Variants in RARB observed in about 807,000 individuals in gnomAD.
RARB encodes retinoic acid receptor beta.
Under a neutral mutation model 51.9 loss-of-function variants are expected in RARB, and 17 were observed. The ratio of observed to expected loss-of-function variants is 0.33; its 90% CI spans 0.22 to 0.49. RARB has a LOEUF of 0.49. RARB is among the 20% of genes least tolerant of loss of function. RARB has a pLI of 0.99. For missense variants in RARB, 369 were observed against 550.8 expected, an observed-to-expected ratio of 0.67 and a Z score of 3.30; for synonymous variants, 215 against 195.4, an observed-to-expected ratio of 1.10 and a Z score of -0.84.
At chr3:25,006,791 A>G (rs1044331732) in intron 2 of RARB, among the ~76,000 whole-genome samples, 1 of 152,116 alleles carries the variant, frequency 6.6e-6, no homozygotes, top group African/African-American at 2.4e-5. Flanking sequence ...TAGACATTAC[A>G]CCTTAGAGTC....
intron 5 of RARB, among the ~76,000 whole-genome samples, chr3:25,361,406 C>T (rs1705928204): frequency 6.6e-6 from 1 of 152,196 alleles, no homozygotes; most frequent in Non-Finnish European, 1.5e-5. Flanking sequence ...TTCTTAGCTT[C>T]CTTGCATTGG....
At chr3:25,206,203 A>G (rs187183773) in intron 5 of RARB, among the ~76,000 whole-genome samples, 74 of 152,328 alleles carry the variant, frequency 4.9e-4, no homozygotes, top group African/African-American at 1.7e-3. Flanking sequence ...TTTCATCTCA[A>G]GTGAATCCCC....
chr3:25,163,501 C>CAAAA (rs1385452358), intron 4 of RARB, among the ~76,000 whole-genome samples: 6 of 78,688 alleles, frequency 7.6e-5, no homozygotes, highest in African/African-American at 3.4e-4. Context: ...GACCCTATCT[C>CAAAA]AAAATATATA....
At chr3:24,929,738 C>G (rs1168146148) in intron 2 of RARB, among the ~76,000 whole-genome samples, 1 of 152,052 alleles carries the variant, frequency 6.6e-6, no homozygotes, top group Non-Finnish European at 1.5e-5. Context: ...CCTAGCACTT[C>G]TAGAGGGAGC....
chr3:25,428,405 C>A lies in RARB; in HGVS notation c.-327C>A. 1 of 1,266,084 alleles carries A rather than the reference C, an allele frequency of 7.9e-7. No individual in the cohort carries two copies. The highest frequency in any genetic ancestry group is 9.9e-7 in the Non-Finnish European group (1 of 1,007,958). The allele number at this position is 1,266,084 out of a possible 1,614,324, so 78.4% of individuals were successfully genotyped here. ...GCGATCCGAGCAGGGTTTGTCTGGG[C>A]ACCGTCGGGGTAGGATCCGGAACGC... is the stretch of plus-strand genomic sequence containing the variant. On this transcript the variant is annotated 5_prime_UTR_variant, in exon 1 of 8. Transcript: ENST00000330688.
intron 1 of RARB, among the ~76,000 whole-genome samples, chr3:24,839,235 A>G (rs2125329408): frequency 6.6e-6 from 1 of 152,276 alleles, no homozygotes; most frequent in South Asian, 2.1e-4. Context: ...ATCCATAGTA[A>G]AAAATATAAA....
At chr3:25,271,322 C>G (rs1416000738) in intron 5 of RARB, among the ~76,000 whole-genome samples, 1 of 152,044 alleles carries the variant, frequency 6.6e-6, no homozygotes, top group African/African-American at 2.4e-5. Flanking sequence ...GTGTGCTAAC[C>G]AAAAATAACT....
chr3:25,205,032 A>G (rs1284313393), intron 5 of RARB, among the ~76,000 whole-genome samples: 1 of 152,166 alleles, frequency 6.6e-6, no homozygotes, highest in African/African-American at 2.4e-5. Context: ...GGTGGAGTCT[A>G]CAGAGGCAGG....
rs537149634 is a variant in RARB at position 25,092,913 on chromosome 3, A to G, written c.-328+32737A>G. On this transcript the variant is annotated intron_variant, in intron 3 of 11. Coordinates refer to the RARB transcript ENST00000383772. ...AGAGATGACTTATTCTACAGCTAAG[A>G]GAAACTGAGACATTTCTTATAGCAT... Among the ~76,000 whole-genome samples, 4 of 152,274 alleles carry G rather than the reference A, an allele frequency of 2.6e-5. No homozygotes were observed. The South Asian group carries it at 8.3e-4, about 32-fold the overall frequency.
chr3:25,410,846 C>T (rs1421593762), intron 5 of RARB, among the ~76,000 whole-genome samples: 1 of 152,232 alleles, frequency 6.6e-6, no homozygotes, highest in African/African-American at 2.4e-5. Flanking sequence ...CCAATTCCTG[C>T]TCGCTGCCCC....
intron 2 of RARB, among the ~76,000 whole-genome samples, chr3:24,997,461 A>G (rs2125273103): frequency 6.6e-6 from 1 of 151,678 alleles, no homozygotes; most frequent in Admixed American, 6.6e-5. Context: ...ATAGGTGAGG[A>G]CTTACTCCTG....
At chr3:25,244,730 A>C (rs569962725) in intron 5 of RARB, among the ~76,000 whole-genome samples, 1 of 152,236 alleles carries the variant, frequency 6.6e-6, no homozygotes, top group South Asian at 2.1e-4. Context: ...TTTTACTTCC[A>C]ATTATGTGGT....
chr3:25,281,103 C>G (rs1436296970), intron 5 of RARB, among the ~76,000 whole-genome samples: 1 of 152,172 alleles, frequency 6.6e-6, no homozygotes, highest in Non-Finnish European at 1.5e-5. Context: ...CTACAGAATG[C>G]TCTTAAAGAG....
chr3:25,095,934 G>A (rs1222471337), intron 3 of RARB, among the ~76,000 whole-genome samples: 1 of 152,064 alleles, frequency 6.6e-6, no homozygotes, highest in African/African-American at 2.4e-5. Context: ...AAACTGTTCA[G>A]CACTGTGGCA....
intron 2 of RARB, among the ~76,000 whole-genome samples, chr3:24,918,094 A>G (rs940503891): frequency 1.1e-4 from 17 of 152,364 alleles, no homozygotes; most frequent in African/African-American, 2.4e-4. Flanking sequence ...AAAGGCCTCA[A>G]TGTGAATGTT....
At position 25,268,950 on chromosome 3, in the gene RARB, A is replaced by G. The variant is rs142387814; in HGVS notation, c.178+94375A>G. ...GAGATTTATCCATTTGTATTTCCAG[A>G]AACTCAAATAGTATCTAGCACATGA... On this transcript the variant is annotated intron_variant, in intron 5 of 11. Transcript: ENST00000383772. 1.9e-3 allele frequency among the ~76,000 whole-genome samples: 293 copies of G among 152,328 alleles called. 1 individual carries two copies. Among genetic ancestry groups the G allele is most frequent in the African/African-American group, 6.8e-3 (284 of 41,586 alleles).
At chr3:25,526,217 C>A (rs1370765830) in intron 3 of RARB, among the ~76,000 whole-genome samples, 1 of 152,002 alleles carries the variant, frequency 6.6e-6, no homozygotes, top group Admixed American at 6.6e-5. Flanking sequence ...TCTGGGAACC[C>A]AAATGAAAGA....
intron 2 of RARB, among the ~76,000 whole-genome samples, chr3:24,864,334 A>G (rs1020818421): frequency 3.9e-5 from 6 of 152,162 alleles, no homozygotes; most frequent in South Asian, 2.1e-4. Flanking sequence ...TTTGCCATTC[A>G]GTGTTGTTCC....
At chr3:24,939,791 G>A (rs558841445) in intron 2 of RARB, among the ~76,000 whole-genome samples, 1 of 152,242 alleles carries the variant, frequency 6.6e-6, no homozygotes, top group East Asian at 1.9e-4. Flanking sequence ...TAATTTGTTA[G>A]CACCCTATAA....
Sources: allele counts gnomAD v4.1 joint callset (sites outside exome capture counted in the v4.1 genomes callset), GRCh38; gene constraint gnomAD v4.1.1; transcripts MANE v1.5; gene names NCBI Gene and HGNC (gene_info 2026-07-23, HGNC 2026-07-21).